PCDHA1: variants seen among roughly 807,000 people sequenced by gnomAD.
The protein encoded by PCDHA1 is protocadherin alpha-1.
In PCDHA1, 42 loss-of-function variants were observed where a neutral mutation model predicts 61.3. The observed-to-expected ratio is 0.69, with a 90% CI of 0.54 to 0.89. The LOEUF (loss-of-function observed/expected upper bound fraction) is 0.89, where lower values mean the gene tolerates loss of function less well. Ranked by LOEUF, PCDHA1 falls within the 40% of genes least tolerant of loss-of-function variation. The pLI is 0.00. For missense variants in PCDHA1, 1,256 were observed against 1,235.3 expected, an observed-to-expected ratio of 1.02 and a Z score of -0.25; for synonymous variants, 610 against 553.8, an observed-to-expected ratio of 1.10 and a Z score of -1.43.
At chr5:140,868,446 A>G (rs1224722166) in intron 1 of PCDHA1, 1 of 152,368 alleles carries the variant, frequency 6.6e-6, no homozygotes, top group Non-Finnish European at 1.5e-5. Flanking sequence ...TGTGGAACAT[A>G]AACACTAAAG....
Position 140,966,227 on chromosome 5 carries a change from A to T in PCDHA1, c.2395-12722A>T, listed in dbSNP as rs556655692. The T allele has an allele frequency of 3.7e-5, 10 of 270,804 alleles. No individual in the cohort carries two copies. The South Asian group carries it at 1.7e-3, about 46-fold the overall frequency. 16.8% of individuals were successfully genotyped at this position (270,804 alleles called of 1,614,324 possible). On this transcript the variant is annotated intron_variant, in intron 1 of 3. Coordinates refer to ENST00000504120, the MANE Select transcript of PCDHA1 (RefSeq NM_018900.4). ...CTGCTTTTCCCAGACTAATCTCCTT[A>T]AAGACCCGTTAAGCAGGGGAGAGAC...
chr5:140,850,456 A>T lies in PCDHA1; in HGVS notation c.2394+61772A>T, dbSNP rs2150485002. 3 of 1,597,744 alleles carry T rather than the reference A, an allele frequency of 1.9e-6. No homozygotes were observed. In the Admixed American group the frequency reaches 5.1e-5, roughly 27 times the overall value. ...CGCCTACTGGTGCTGGTGAAAGACC[A>T]CGGGGAGCCAGCGCTGACGGCCACG... On this transcript the variant is annotated intron_variant, in intron 1 of 3. Coordinates refer to ENST00000504120, the MANE Select transcript of PCDHA1 (RefSeq NM_018900.4).
chr5:140,854,084 C>G (rs2150307258), intron 1 of PCDHA1: 2 of 266,726 alleles, frequency 7.5e-6, no homozygotes, highest in East Asian at 3.6e-4. Context: ...ATCGCTTGAG[C>G]CTGGGACATT....
intron 1 of PCDHA1, chr5:140,813,585 A>G (rs1270659713): frequency 6.6e-6 from 1 of 152,254 alleles, no homozygotes; most frequent in Non-Finnish European, 1.5e-5. Context: ...CTGGAAATTT[A>G]TCTGCATGAG....
At chr5:140,807,103 C>A in intron 1 of PCDHA1, 1 of 1,432,858 alleles carries the variant, frequency 7.0e-7, no homozygotes, top group Non-Finnish European at 9.5e-7. Context: ...ATGGAGGATG[C>A]AGCTGCACTT....
intron 1 of PCDHA1, chr5:140,807,310 C>T (rs1554123873): frequency 8.7e-6 from 14 of 1,613,996 alleles, no homozygotes; most frequent in South Asian, 2.2e-5. Flanking sequence ...AGGCCAAACA[C>T]GGCACCTTCG....
chr5:140,946,658 A>C (rs2094004902), intron 1 of PCDHA1, among the ~76,000 whole-genome samples: 1 of 147,652 alleles, frequency 6.8e-6, no homozygotes, highest in South Asian at 2.1e-4. Flanking sequence ...CAGCCATTAG[A>C]AAGAATGAAA....
At position 140,787,205 on chromosome 5, in the gene PCDHA1, T is replaced by A. The variant is rs1003833934; in HGVS notation, c.915T>A (p.Ile305=). ...VDSSSGEIRL[I]DKLDYEETKS... ...CCAGCTCAGGAGAAATTAGGTTAAT[T>A]GATAAACTGGATTATGAAGAAACAA... is the stretch of plus-strand genomic sequence containing the variant. Residue 305 remains isoleucine, a synonymous_variant, in exon 1 of 4, where the codon ATT becomes ATA. Coordinates refer to ENST00000504120, the MANE Select transcript of PCDHA1 (RefSeq NM_018900.4). The A allele has an allele frequency of 4.3e-6, 7 of 1,614,038 alleles. No homozygotes were observed. The highest frequency in any genetic ancestry group is 5.9e-6 in the Non-Finnish European group (7 of 1,179,984).
chr5:140,802,359 T>G (rs1762895726), intron 1 of PCDHA1: 1 of 1,614,154 alleles, frequency 6.2e-7, no homozygotes, highest in African/African-American at 1.3e-5. Context: ...GGTCACCTGC[T>G]CGCTGACGCC....
chr5:140,865,900 C>T (rs1012769998), intron 1 of PCDHA1: 18 of 152,230 alleles, frequency 1.2e-4, no homozygotes, highest in African/African-American at 3.8e-4. Context: ...TGTGTACAGG[C>T]AAATCTTTCT....
chr5:140,884,459 G>T (rs530412188), intron 1 of PCDHA1: 2 of 1,613,754 alleles, frequency 1.2e-6, no homozygotes, highest in South Asian at 2.2e-5. Flanking sequence ...CACCGAGGGC[G>T]CGTGCGCGCC....
intron 1 of PCDHA1, among the ~76,000 whole-genome samples, chr5:140,977,568 G>A (rs547387044): frequency 1.3e-5 from 2 of 152,312 alleles, no homozygotes; most frequent in East Asian, 1.9e-4. Context: ...TAGCAGATTG[G>A]TAGAATAGAG....
At chr5:140,848,803 G>A in intron 1 of PCDHA1, 3 of 1,592,286 alleles carry the variant, frequency 1.9e-6, no homozygotes, top group South Asian at 1.1e-5. Flanking sequence ...GCGGAGTGCA[G>A]CATCCACCTG....
chr5:140,862,746 C>A, intron 1 of PCDHA1: 2 of 577,770 alleles, frequency 3.5e-6, no homozygotes, highest in East Asian at 9.5e-5. Flanking sequence ...TGTGGGTGCA[C>A]GCGGAGAGCG....
chr5:140,849,548 T>C, intron 1 of PCDHA1: 1 of 1,598,372 alleles, frequency 6.3e-7, no homozygotes, highest in Non-Finnish European at 8.6e-7. Flanking sequence ...CACAGTTGAC[T>C]ATCAAAACGC....
intron 3 of PCDHA1, among the ~76,000 whole-genome samples, chr5:140,984,944 TC>T (rs1554246626): frequency 6.6e-6 from 1 of 151,930 alleles, no homozygotes; most frequent in Non-Finnish European, 1.5e-5. Flanking sequence ...AAATGTCTAA[TC>T]TTTTTTTTTT....
intron 1 of PCDHA1, chr5:140,825,159 C>CT (rs1768465166): frequency 6.6e-6 from 1 of 151,540 alleles, no homozygotes; most frequent in Non-Finnish European, 1.5e-5. Flanking sequence ...TTTAATCTTG[C>CT]TTTTTTCATT....
intron 1 of PCDHA1, chr5:140,822,786 G>C (rs1480573105): frequency 6.2e-7 from 1 of 1,613,980 alleles, no homozygotes; most frequent in African/African-American, 1.3e-5. Context: ...AAGTAGTAGT[G>C]AAACTCCTGG....
chr5:140,904,797 C>T (rs2071388214), intron 1 of PCDHA1, among the ~76,000 whole-genome samples: 1 of 152,022 alleles, frequency 6.6e-6, no homozygotes, highest in East Asian at 1.9e-4. Context: ...TTTGCATTTT[C>T]CTGATAATTA....
Sources: gnomAD v4.1 joint callset for allele counts (sites outside exome capture counted in the v4.1 genomes callset) on GRCh38, gnomAD v4.1.1 for gene constraint, MANE v1.5 for transcripts, NCBI Gene and HGNC (gene_info 2026-07-23, HGNC 2026-07-21) for gene names.